OSBPL10: variants seen among roughly 807,000 people sequenced by gnomAD.
OSBPL10 encodes oxysterol binding protein like 10.
Under a neutral mutation model 81.7 loss-of-function variants are expected in OSBPL10, and 49 were observed. The ratio of observed to expected loss-of-function variants is 0.60; its 90% CI spans 0.48 to 0.76. The LOEUF (loss-of-function observed/expected upper bound fraction) is 0.76, where lower values mean the gene tolerates loss of function less well. Among genes scored for constraint, OSBPL10 ranks in the 30% least tolerant of loss-of-function variants. The pLI is 0.00. For missense variants in OSBPL10, 923 were observed against 987.8 expected (o/e 0.93, Z 0.88); for synonymous variants, 419 against 383.6 (o/e 1.09, Z -1.08).
intron 3 of OSBPL10, among the ~76,000 whole-genome samples, chr3:31,853,157 A>C (rs546629297): frequency 1.3e-5 from 2 of 152,328 alleles, no homozygotes; most frequent in East Asian, 3.9e-4. Flanking sequence ...AAGTAGATGA[A>C]TGAAAAATAA....
At chr3:31,821,215 G>A (rs1282758459) in intron 4 of OSBPL10, among the ~76,000 whole-genome samples, 1 of 152,062 alleles carries the variant, frequency 6.6e-6, no homozygotes, top group African/African-American at 2.4e-5. Context: ...GACATATCTC[G>A]GTGTTGGGCT....
intron 1 of OSBPL10, among the ~76,000 whole-genome samples, chr3:31,974,384 C>T (rs1056366540): frequency 2.0e-5 from 3 of 152,110 alleles, no homozygotes; most frequent in Non-Finnish European, 4.4e-5. Flanking sequence ...AGCAAACACT[C>T]CTAGGTGTAT....
intron 10 of OSBPL10, among the ~76,000 whole-genome samples, chr3:31,667,427 A>G (rs1358390608): frequency 1.3e-5 from 2 of 152,248 alleles, no homozygotes; most frequent in African/African-American, 4.8e-5. Flanking sequence ...AGGGATACTG[A>G]AGCTCTGTTT....
chr3:31,889,119 C>T (rs185169447), intron 1 of OSBPL10, among the ~76,000 whole-genome samples: 48 of 152,130 alleles, frequency 3.2e-4, no homozygotes, highest in African/African-American at 1.1e-3. Flanking sequence ...AACCCCAGCT[C>T]GCATGGCTAT....
intron 4 of OSBPL10, among the ~76,000 whole-genome samples, chr3:31,789,942 A>T (rs751275994): frequency 4.1e-5 from 6 of 146,374 alleles, no homozygotes; most frequent in Non-Finnish European, 6.0e-5. Context: ...TACAATCATG[A>T]CACACATTTT....
intron 7 of OSBPL10, among the ~76,000 whole-genome samples, chr3:31,690,451 A>C (rs557465341): frequency 7.2e-4 from 110 of 152,330 alleles, no homozygotes; most frequent in African/African-American, 2.5e-3. Context: ...AAGAACTAAT[A>C]CAAGAGTCCA....
chr3:31,831,415 AAAAAG>A (rs925917192), intron 3 of OSBPL10, among the ~76,000 whole-genome samples: 15 of 152,008 alleles, frequency 9.9e-5, no homozygotes, highest in African/African-American at 1.9e-4. Context: ...TCAAAAAAAA[AAAAAG>A]AAAAGAAAAA....
chr3:31,809,201 A>G (rs1199893990), intron 4 of OSBPL10, among the ~76,000 whole-genome samples: 1 of 152,238 alleles, frequency 6.6e-6, no homozygotes, highest in Admixed American at 6.5e-5. Context: ...AGCCCAAGAA[A>G]ATCATCAGCA....
In OSBPL10 at chr3:31,863,166, G is replaced by T. The variant is rs190541048; in HGVS notation, c.537+13267C>A. Among the ~76,000 whole-genome samples, 4 of 152,254 alleles carry T rather than the reference G, an allele frequency of 2.6e-5. No individual in the cohort carries two copies. In the East Asian group the frequency reaches 7.7e-4, roughly 29 times the overall value. Reference sequence around the variant, plus strand: ...TAAGTGAAAAAAAGCCAGACACAAAGAGACACAATATTGCATACAATCCAT... The same window carrying T: ...TAAGTGAAAAAAAGCCAGACACAAATAGACACAATATTGCATACAATCCAT... On this transcript the variant is annotated intron_variant, in intron 3 of 11. Coordinates refer to ENST00000396556, the MANE Select transcript of OSBPL10 (RefSeq NM_017784.5).
intron 4 of OSBPL10, among the ~76,000 whole-genome samples, chr3:31,815,602 T>C (rs934457572): frequency 1.3e-5 from 2 of 152,132 alleles, no homozygotes; most frequent in Admixed American, 1.3e-4. Flanking sequence ...GGTGGAAAGA[T>C]GGGAATGACC....
chr3:31,742,557 C>G (rs1314935649), intron 5 of OSBPL10, among the ~76,000 whole-genome samples: 1 of 152,222 alleles, frequency 6.6e-6, no homozygotes, highest in Non-Finnish European at 1.5e-5. Context: ...GTCACTTGCT[C>G]TGGCAGCTAT....
intron 1 of OSBPL10, among the ~76,000 whole-genome samples, chr3:31,892,157 A>AAGAGG (rs771469819): frequency 6.6e-6 from 1 of 151,686 alleles, no homozygotes; most frequent in Non-Finnish European, 1.5e-5. Context: ...GGACTCGGGG[A>AAGAGG]AGAGGAGAGG....
intron 7 of OSBPL10, among the ~76,000 whole-genome samples, chr3:31,687,084 T>G (rs1035017458): frequency 6.6e-6 from 1 of 152,186 alleles, no homozygotes; most frequent in African/African-American, 2.4e-5. Flanking sequence ...CACAAATGTC[T>G]GCATCTGCAT....
intron 1 of OSBPL10, among the ~76,000 whole-genome samples, chr3:31,961,118 C>T (rs1698149737): frequency 6.7e-6 from 1 of 149,838 alleles, no homozygotes; most frequent in African/African-American, 2.5e-5. Context: ...GTGCAACCCA[C>T]TCCATAAAGA....
chr3:31,809,110 A>G (rs530085607), intron 4 of OSBPL10, among the ~76,000 whole-genome samples: 1 of 152,350 alleles, frequency 6.6e-6, no homozygotes, highest in African/African-American at 2.4e-5. Flanking sequence ...CTAGCCAACA[A>G]AATTATTAAG....
intron 3 of OSBPL10, among the ~76,000 whole-genome samples, chr3:31,845,986 T>A (rs1371007776): frequency 1.3e-5 from 2 of 152,208 alleles, no homozygotes; most frequent in African/African-American, 2.4e-5. Context: ...AACTGAACCA[T>A]GACAAAATTT....
chr3:31,807,727 G>A (rs1185709820), intron 4 of OSBPL10, among the ~76,000 whole-genome samples: 1 of 152,144 alleles, frequency 6.6e-6, no homozygotes, highest in Non-Finnish European at 1.5e-5. Context: ...GACTGAGCAA[G>A]ACCCCATCTC....
chr3:31,791,875 T>C (rs1699019064), intron 4 of OSBPL10, among the ~76,000 whole-genome samples: 1 of 150,738 alleles, frequency 6.6e-6, no homozygotes, highest in Non-Finnish European at 1.5e-5. Flanking sequence ...AAGAAACAGA[T>C]TACTCCAATT....
At chr3:31,941,570 A>T (rs1421659252) in intron 1 of OSBPL10, among the ~76,000 whole-genome samples, 1 of 152,154 alleles carries the variant, frequency 6.6e-6, no homozygotes, top group Non-Finnish European at 1.5e-5. Flanking sequence ...CCTGAGAGGG[A>T]TCTGGCTGCC....
Sources: allele counts gnomAD v4.1 joint callset (sites outside exome capture counted in the v4.1 genomes callset), GRCh38; gene constraint gnomAD v4.1.1; transcripts MANE v1.5; gene names NCBI Gene and HGNC (gene_info 2026-07-23, HGNC 2026-07-21).